The following GBF1 variants were observed in gnomAD, a reference collection of about 807,000 sequenced individuals.
The protein encoded by GBF1 is Golgi-specific brefeldin A-resistance guanine nucleotide exchange factor 1.
GBF1 carries 114 observed loss-of-function variants against 210.5 expected under a neutral mutation model. The observed-to-expected ratio is 0.54, with a 90% CI of 0.47 to 0.63. The LOEUF is 0.63. Ranked by LOEUF, GBF1 falls within the 30% of genes least tolerant of loss-of-function variation. The pLI, the probability that GBF1 is intolerant of heterozygous loss-of-function variation, is 0.00. For missense variants in GBF1, 1,851 were observed against 2,357.7 expected (o/e 0.79, Z 4.45); for synonymous variants, 850 against 889.2 (o/e 0.96, Z 0.78).
chr10:102,231,907 C>T, the GBF1 span: 2 of 1,562,410 alleles, frequency 1.3e-6, no homozygotes, highest in Non-Finnish European at 1.8e-6. Flanking sequence ...CGGGGTCCCA[C>T]CCGCACTGGG....
intron 3 of GBF1, among the ~76,000 whole-genome samples, chr10:102,334,038 G>A (rs1027932166): frequency 3.3e-5 from 5 of 152,126 alleles, no homozygotes; most frequent in Non-Finnish European, 7.4e-5. Context: ...TTATTAGTCT[G>A]TTATACATGA....
intron 3 of GBF1, among the ~76,000 whole-genome samples, chr10:102,287,741 A>C (rs2076083476): frequency 6.6e-6 from 1 of 152,208 alleles, no homozygotes; most frequent in Admixed American, 6.5e-5. Flanking sequence ...AGCAGAAGCC[A>C]CACTTTGTTT....
chr10:102,280,161 A>G (rs1200268530), intron 3 of GBF1, among the ~76,000 whole-genome samples: 2 of 152,106 alleles, frequency 1.3e-5, no homozygotes, highest in Non-Finnish European at 2.9e-5. Flanking sequence ...AGAAATAAGT[A>G]GAGACAAAAG....
chr10:102,250,628 T>G (rs1335883875), intron 1 of GBF1, among the ~76,000 whole-genome samples: 1 of 151,828 alleles, frequency 6.6e-6, no homozygotes, highest in Non-Finnish European at 1.5e-5. Context: ...GGATTAAAGA[T>G]GAGAGCTACT....
intron 30 of GBF1, 48 bp downstream of exon 30, chr10:102,375,632 C>G (rs2060453425): frequency 1.6e-6 from 2 of 1,218,998 alleles, no homozygotes; most frequent in African/African-American, 3.0e-5. Context: ...AACAGTTACA[C>G]CCCAGGAGTT....
At chr10:102,343,893 A>G (rs532056232) in intron 3 of GBF1, among the ~76,000 whole-genome samples, 158 bp from the exon 4 acceptor site, 1 of 152,242 alleles carries the variant, frequency 6.6e-6, no homozygotes, top group East Asian at 1.9e-4. Flanking sequence ...TACAGATAAA[A>G]TGATACAGTG....
chr10:102,376,759 T>C lies in GBF1; in HGVS notation c.4247T>C (p.Val1416Ala). Residue 1416 changes from valine (V) to alanine (A), a missense_variant, in exon 32 of 40, where the codon GTC becomes GCC. Val to Ala is a moderately conservative substitution (Grantham distance 64). Around this residue, in one of 3 missense-constraint regions of GBF1, gnomAD observed 967 missense variants for 1,247.7 expected, o/e 0.78. Coordinates refer to ENST00000369983, the MANE Select transcript of GBF1 (RefSeq NM_001377137.1). Reference sequence around the variant, plus strand: ...ACACCTGACAACTTTGAGCTCTGCGTCAAGACTCTCCGGATCTTTGTGGAG... The same window carrying C: ...ACACCTGACAACTTTGAGCTCTGCGCCAAGACTCTCCGGATCTTTGTGGAG... The part of the protein sequence containing the change: ...HITPDNFELC[V>A]KTLRIFVEAS... 1 of 1,609,896 alleles carries C rather than the reference T, an allele frequency of 6.2e-7. No homozygotes were observed. Among genetic ancestry groups the C allele is most frequent in the African/African-American group, 1.3e-5 (1 of 75,014 alleles).
intron 3 of GBF1, among the ~76,000 whole-genome samples, chr10:102,325,439 C>T (rs890541524): frequency 2.0e-5 from 3 of 151,398 alleles, no homozygotes; most frequent in African/African-American, 2.4e-5. Context: ...AATGCCAGCT[C>T]CTTGGGAGGC....
In GBF1 at chr10:102,359,270, G is replaced by A. The variant is rs2059458034; in HGVS notation, c.1015G>A (p.Glu339Lys). 1 of 1,609,678 alleles carries A rather than the reference G, an allele frequency of 6.2e-7. No homozygotes were observed. Among genetic ancestry groups the A allele is most frequent in the African/African-American group, 1.3e-5 (1 of 74,796 alleles). ...GVPEQPDLQQ[E>K]GTHVEKSQSA... ...ATCTCCCTGCTACTGGTCATAGCAG[G>A]AAGGGACCCATGTGGAAAAGTCCCA... The change falls in exon 11 of 40, where the codon GAA (glutamate) becomes AAA (lysine). Residue 339 changes from glutamate to lysine, a missense_variant. This residue lies in a region of GBF1 where 804 missense variants were observed against 958.6 expected (regional missense o/e 0.84). Transcript: ENST00000369983.
chr10:102,256,495 T>C (rs1590492927), intron 1 of GBF1, among the ~76,000 whole-genome samples: 2 of 151,718 alleles, frequency 1.3e-5, no homozygotes, highest in South Asian at 4.2e-4. Context: ...AGTACAGTAA[T>C]ACATTCTCTT....
chr10:102,382,165 G>A lies in GBF1; in HGVS notation c.5412G>A (p.Leu1804=). 6.2e-7 allele frequency: 1 copy of A among 1,613,732 alleles called. No individual in the cohort carries two copies. The highest frequency in any genetic ancestry group is 2.2e-5 in the East Asian group (1 of 44,860). The change falls in exon 40 of 40, where the codon TTG becomes TTA. Residue 1804 remains leucine (L), a synonymous_variant. Transcript: ENST00000369983. ...LSPTPDGPPP[L]AQPPLILQPL... Reference sequence around the variant, plus strand: ...CCACCCCCGACGGGCCTCCACCCTTGGCTCAGCCCCCACTGATCCTGCAGC... The same window carrying A: ...CCACCCCCGACGGGCCTCCACCCTTAGCTCAGCCCCCACTGATCCTGCAGC...
At position 102,368,947 on chromosome 10, in the gene GBF1, C is replaced by T; in HGVS notation, c.2973+115C>T. On this transcript the variant is annotated intron_variant, in intron 23 of 39. Coordinates refer to ENST00000369983, the MANE Select transcript of GBF1 (RefSeq NM_001377137.1). The stretch of plus-strand genomic sequence containing the variant: ...CCCTCAGCGTCTTCCCTCACTGCCC[C>T]CACTTGAATATACCAGAGCTTAGGC... 1.8e-5 allele frequency: 13 copies of T among 716,028 alleles called. 1 individual carries two copies. Among genetic ancestry groups the T allele is most frequent in the Non-Finnish European group, 2.9e-5 (12 of 412,870 alleles). 44.4% of individuals were successfully genotyped at this position (716,028 alleles called of 1,614,324 possible).
chr10:102,242,928 C>CAAAAAAAAAAAAA (rs58301527), upstream of GBF1, among the ~76,000 whole-genome samples: 1 of 132,406 alleles, frequency 7.6e-6, no homozygotes, highest in African/African-American at 2.9e-5. Flanking sequence ...GACTCTGTCT[C>CAAAAAAAAAAAAA]AAAAAAAAAA....
At chr10:102,311,040 C>G (rs570640986) in intron 3 of GBF1, among the ~76,000 whole-genome samples, 9 of 152,266 alleles carry the variant, frequency 5.9e-5, no homozygotes, top group African/African-American at 2.2e-4. Context: ...TACAGAAGTC[C>G]CCTTCCCATA....
intron 4 of GBF1, among the ~76,000 whole-genome samples, chr10:102,350,638 C>T (rs2058891984): frequency 6.6e-6 from 1 of 152,110 alleles, no homozygotes; most frequent in Non-Finnish European, 1.5e-5. Flanking sequence ...TGGTCCCCTG[C>T]TCGGTGGTGT....
At chr10:102,262,903 G>A (rs1221348786) in intron 3 of GBF1, among the ~76,000 whole-genome samples, 2 of 152,188 alleles carry the variant, frequency 1.3e-5, no homozygotes, top group African/African-American at 4.8e-5. Context: ...CTCATTGGTG[G>A]TAGGAACATC....
chr10:102,281,016 C>G (rs1259609120), intron 3 of GBF1, among the ~76,000 whole-genome samples: 3 of 152,046 alleles, frequency 2.0e-5, no homozygotes, highest in African/African-American at 7.2e-5. Flanking sequence ...GGTACACTTG[C>G]TGAATTCTAT....
intron 3 of GBF1, among the ~76,000 whole-genome samples, chr10:102,295,955 T>C (rs79869739): frequency 0.01 from 1,567 of 152,338 alleles, 23 homozygotes; most frequent in African/African-American, 0.036. Flanking sequence ...TAAATACTTA[T>C]ATCTTAAGTA....
At chr10:102,315,410 A>AC (rs2078840600) in intron 3 of GBF1, among the ~76,000 whole-genome samples, 1 of 152,176 alleles carries the variant, frequency 6.6e-6, no homozygotes, top group African/African-American at 2.4e-5. Flanking sequence ...GATCTAGGTT[A>AC]CGTGCTCCTT....
Sources: allele counts gnomAD v4.1 joint callset (sites outside exome capture counted in the v4.1 genomes callset), GRCh38; gene constraint gnomAD v4.1.1; regional missense constraint gnomAD v4.1.1; transcripts MANE v1.5; gene names NCBI Gene and HGNC (gene_info 2026-07-23, HGNC 2026-07-21).